TMEM117: variants seen among roughly 807,000 people sequenced by gnomAD.
TMEM117 encodes the protein transmembrane protein 117.
A neutral mutation model predicts 52.4 loss-of-function variants in TMEM117; 27 were observed. The ratio of observed to expected loss-of-function variants is 0.51; its 90% confidence interval spans 0.38 to 0.71. The LOEUF is 0.71. Among genes scored for constraint, TMEM117 ranks in the 30% least tolerant of loss-of-function variants. The pLI, the probability that TMEM117 is intolerant of heterozygous loss-of-function variation, is 0.00. For missense variants in TMEM117, 556 were observed against 630.5 expected, an observed-to-expected ratio of 0.88 and a Z score of 1.26; for synonymous variants, 215 against 206.3, an observed-to-expected ratio of 1.04 and a Z score of -0.36.
chr12:44,244,045 T>A (rs1825624812), intron 5 of TMEM117, among the ~76,000 whole-genome samples: 1 of 152,016 alleles, frequency 6.6e-6, no homozygotes. Flanking sequence ...CTTAGGTTGA[T>A]TTCATATCTT....
At chr12:44,148,832 A>G (rs74559600) in intron 4 of TMEM117, among the ~76,000 whole-genome samples, 2,647 of 152,276 alleles carry the variant, frequency 0.017, 60 homozygotes, top group East Asian at 0.057. Flanking sequence ...AACAGCACAT[A>G]AGCACTGTTT....
At chr12:44,385,638 T>A (rs1407132936) in intron 7 of TMEM117, among the ~76,000 whole-genome samples, 1 of 152,098 alleles carries the variant, frequency 6.6e-6, no homozygotes, top group Non-Finnish European at 1.5e-5. Flanking sequence ...CGGTGATCAG[T>A]CATACAAGCA....
intron 4 of TMEM117, among the ~76,000 whole-genome samples, chr12:44,210,975 G>T: frequency 6.6e-6 from 1 of 152,028 alleles, no homozygotes; most frequent in East Asian, 1.9e-4. Flanking sequence ...AACTTTAAAA[G>T]AATATAGTAT....
intron 3 of TMEM117, among the ~76,000 whole-genome samples, chr12:44,134,280 C>T (rs528204208): frequency 1.3e-5 from 2 of 152,220 alleles, no homozygotes; most frequent in Admixed American, 6.5e-5. Context: ...GTGGTGCAAT[C>T]AAGGCTTGCT....
At chr12:44,171,743 A>T (rs972624564) in intron 4 of TMEM117, among the ~76,000 whole-genome samples, 2 of 152,186 alleles carry the variant, frequency 1.3e-5, no homozygotes, top group Non-Finnish European at 2.9e-5. Context: ...TTTCTATGGC[A>T]GAAACTGATT....
At chr12:43,798,415 T>A in the TMEM117 span, 3 of 664,628 alleles carry the variant, frequency 4.5e-6, no homozygotes, top group Non-Finnish European at 6.9e-6. Flanking sequence ...ATTTTTATAC[T>A]TGATAAATGA....
chr12:44,015,248 C>T (rs1026040530), intron 3 of TMEM117, among the ~76,000 whole-genome samples: 1 of 152,072 alleles, frequency 6.6e-6, no homozygotes, highest in Non-Finnish European at 1.5e-5. Context: ...TTAAGTCAGT[C>T]ATTGTATCCA....
At chr12:44,218,054 T>C (rs1949740702) in intron 5 of TMEM117, among the ~76,000 whole-genome samples, 1 of 151,970 alleles carries the variant, frequency 6.6e-6, no homozygotes, top group Admixed American at 6.6e-5. Context: ...TGAAACCCCA[T>C]CTCTACTAAA....
chr12:44,387,833 C>A (rs1277206764), intron 7 of TMEM117, among the ~76,000 whole-genome samples, 193 bp from the exon 8 acceptor site: 3 of 151,978 alleles, frequency 2.0e-5, no homozygotes, highest in African/African-American at 7.2e-5. Flanking sequence ...TTTTCATATG[C>A]CCAGAATCCA....
Position 44,329,296 on chromosome 12 carries a change from C to G in TMEM117, c.768+29557C>G, listed in dbSNP as rs540595380. 4.3e-4 allele frequency among the ~76,000 whole-genome samples: 65 copies of G among 152,100 alleles called. 1 individual carries two copies. Among genetic ancestry groups the G allele is most frequent in the Non-Finnish European group, 8.4e-4 (57 of 67,976 alleles). ...CAACCAATACCATGATGTGGCTGCC[C>G]CACTAAACACACACACCAAAACTAA... On this transcript the variant is annotated intron_variant, in intron 6 of 7. Coordinates refer to ENST00000266534, the MANE Select transcript of TMEM117 (RefSeq NM_032256.3).
the TMEM117 span, among the ~76,000 whole-genome samples, chr12:44,395,158 C>T: frequency 2.6e-5 from 4 of 152,116 alleles, no homozygotes; most frequent in African/African-American, 9.7e-5. Flanking sequence ...GCTTGATAAC[C>T]ATGAAATTAC....
intron 5 of TMEM117, among the ~76,000 whole-genome samples, chr12:44,252,790 T>C (rs1223707751): frequency 1.3e-5 from 2 of 152,180 alleles, no homozygotes; most frequent in Non-Finnish European, 2.9e-5. Flanking sequence ...GTGAAAAGTA[T>C]CTAGCGGGAT....
chr12:44,258,833 C>T (rs987722772), intron 5 of TMEM117, among the ~76,000 whole-genome samples: 25 of 152,000 alleles, frequency 1.6e-4, no homozygotes, highest in Non-Finnish European at 1.6e-4. Context: ...GCCAGATGTT[C>T]ATTAATGTTC....
chr12:43,921,383 A>T (rs549064445), intron 2 of TMEM117, among the ~76,000 whole-genome samples: 3 of 152,290 alleles, frequency 2.0e-5, no homozygotes, highest in African/African-American at 7.2e-5. Flanking sequence ...TATCTGGTAG[A>T]GAGAGAATAA....
At chr12:44,358,304 A>C (rs1322766542) in intron 6 of TMEM117, among the ~76,000 whole-genome samples, 1 of 152,158 alleles carries the variant, frequency 6.6e-6, no homozygotes, top group Non-Finnish European at 1.5e-5. Flanking sequence ...TGTATATATA[A>C]CCCATGAATA....
intron 5 of TMEM117, among the ~76,000 whole-genome samples, chr12:44,251,051 G>C (rs1485953826): frequency 6.6e-6 from 1 of 152,052 alleles, no homozygotes; most frequent in East Asian, 1.9e-4. Context: ...TTGGTCACAT[G>C]ATTGCTCTGG....
intron 4 of TMEM117, among the ~76,000 whole-genome samples, chr12:44,166,013 C>A (rs1189920270): frequency 6.6e-6 from 1 of 152,164 alleles, no homozygotes; most frequent in Non-Finnish European, 1.5e-5. Context: ...AATTCGAAAT[C>A]ATGTCAACTA....
intron 3 of TMEM117, among the ~76,000 whole-genome samples, chr12:44,099,016 G>A (rs1349460177): frequency 6.6e-6 from 1 of 152,136 alleles, no homozygotes; most frequent in South Asian, 2.1e-4. Context: ...GCAGTCTCAT[G>A]ATGTGTTAAT....
intron 6 of TMEM117, among the ~76,000 whole-genome samples, chr12:44,335,586 T>C (rs1951330405): frequency 6.6e-6 from 1 of 152,078 alleles, no homozygotes; most frequent in South Asian, 2.1e-4. Context: ...ATTTCAACTT[T>C]CTATCATTAA....
Sources: gnomAD v4.1 joint callset for allele counts (sites outside exome capture counted in the v4.1 genomes callset) on GRCh38, gnomAD v4.1.1 for gene constraint, MANE v1.5 for transcripts, NCBI Gene and HGNC (gene_info 2026-07-23, HGNC 2026-07-21) for gene names.